The following FUS variants were observed in gnomAD, a reference collection of about 807,000 sequenced individuals.
FUS encodes the protein FUS RNA binding protein.
FUS carries 5 observed loss-of-function variants against 82.7 expected under a neutral mutation model. That is an observed-to-expected ratio of 0.06 (90% CI 0.03 to 0.13). FUS has a LOEUF of 0.13. FUS is among the 10% of genes least tolerant of loss of function. The probability of loss-of-function intolerance (pLI) is 1.00; values close to 1 mark genes in which losing one functional copy is unlikely to be tolerated. For missense variants in FUS, 512 were observed against 707.8 expected, an observed-to-expected ratio of 0.72 and a Z score of 3.14; for synonymous variants, 281 against 247.4, an observed-to-expected ratio of 1.14 and a Z score of -1.27.
At chr16:31,189,341 T>G (rs548425689) in intron 9 of FUS, 115 bp downstream of exon 9, 27 of 882,324 alleles carry the variant, frequency 3.1e-5, no homozygotes, top group African/African-American at 6.6e-5. Context: ...TCTTAGTGGT[T>G]GTTGCCAGCT....
chr16:31,194,322 A>T (rs554281103), downstream of FUS: 1,286 of 509,270 alleles, frequency 2.5e-3, 26 homozygotes, highest in South Asian at 0.02. Flanking sequence ...AGACGGTCTC[A>T]CTCTCACCCA....
chr16:31,181,223 C>G (rs1346232327), intron 1 of FUS, among the ~76,000 whole-genome samples: 1 of 152,162 alleles, frequency 6.6e-6, no homozygotes. Context: ...GTCTAAATTT[C>G]TTTTTTCTGA....
intron 7 of FUS, 175 bp from the exon 8 acceptor site, chr16:31,188,150 C>T (rs1425927383): frequency 3.0e-6 from 2 of 662,904 alleles, no homozygotes; most frequent in South Asian, 1.9e-5. Context: ...ATTTTCTCCT[C>T]TGGGCAGGCG....
At chr16:31,183,150 A>G (rs2079206929) in intron 3 of FUS, 1 of 200,780 alleles carries the variant, frequency 5.0e-6, no homozygotes, top group Admixed American at 5.3e-5. Context: ...AGTCCCAGCT[A>G]CTGAGGAGGC....
At chr16:31,188,950 A>G (rs1567476045) in intron 8 of FUS, 173 bp from the exon 9 acceptor site, 10 of 638,166 alleles carry the variant, frequency 1.6e-5, no homozygotes, top group Non-Finnish European at 2.5e-5. Flanking sequence ...TGAATCTGAA[A>G]TTTATCAGCA....
At chr16:31,180,356 C>A (rs918998354) in intron 1 of FUS, 129 bp downstream of exon 1, 9 of 1,227,746 alleles carry the variant, frequency 7.3e-6, no homozygotes, top group Middle Eastern at 2.1e-4. Context: ...GGCGGGAAGC[C>A]GCGGAGAAGA....
rs746989165 is a variant in FUS, at chr16:31,186,867, C to T, written c.799+31C>T. 3.1e-6 allele frequency: 5 copies of T among 1,596,756 alleles called. No individual in the cohort carries two copies. The Admixed American group carries it at 6.7e-5, about 21-fold the overall frequency. On this transcript the variant is annotated intron_variant, in intron 7 of 14. Transcript: ENST00000254108. ...TGAACAGAGTTTCCAAAATTCCCAA[C>T]TCCCAGCAATGCTTTGTCTGATTGT...
In FUS at chr16:31,185,076, A is replaced by G. The variant is rs1054384162; in HGVS notation, c.661A>G (p.Ser221Gly). ...CCGTGGAGGCCGCGGCAGGGGTGGC[A>G]GTGGTGGCGGCGGCGGCGGCGGCGG... is the stretch of plus-strand genomic sequence containing the variant. ...QDRGGRGRGG[S>G]GGGGGGGGGG... is the part of the protein sequence containing the mutation. Residue 221 changes from serine (S) to glycine (G), a missense_variant, in exon 6 of 15, where the codon AGT becomes GGT. Coordinates refer to ENST00000254108, the MANE Select transcript of FUS (RefSeq NM_004960.4). The G allele has an allele frequency of 2.5e-6, 4 of 1,609,554 alleles. No individual in the cohort carries two copies. Among genetic ancestry groups the G allele is most frequent in the African/African-American group, 1.3e-5 (1 of 74,696 alleles).
chr16:31,192,415 A>C (rs569807100), downstream of FUS: 6 of 522,900 alleles, frequency 1.1e-5, no homozygotes, highest in Non-Finnish European at 1.5e-5. Context: ...TTTTTATTTT[A>C]GTTACACAGA....
At position 31,180,199 on chromosome 16, in the gene FUS, G is replaced by A. The variant is rs1214088067; in HGVS notation, c.-16G>A. ...GGAACTTCGTTGCTTGCTTGCCTGT[G>A]CGCGCGTGCGCGGACATGGCCTCAA... On this transcript the variant is annotated 5_prime_UTR_variant, in exon 1 of 15. Coordinates refer to ENST00000254108, the MANE Select transcript of FUS (RefSeq NM_004960.4). 1 of 1,610,888 alleles carries A rather than the reference G, an allele frequency of 6.2e-7. No homozygotes were observed. Among genetic ancestry groups the A allele is most frequent in the Admixed American group, 1.7e-5 (1 of 59,548 alleles).
At chr16:31,182,284 C>T in intron 1 of FUS, 114 bp from the exon 2 acceptor site, 4 of 1,258,030 alleles carry the variant, frequency 3.2e-6, no homozygotes, top group Non-Finnish European at 4.7e-6. Context: ...ATCCACCGTG[C>T]CTGGCCTACG....
chr16:31,188,561 G>T (rs900312729), intron 8 of FUS: 7 of 638,660 alleles, frequency 1.1e-5, no homozygotes, highest in African/African-American at 1.1e-4. Flanking sequence ...TCCACCCCCA[G>T]TGATTTAGGT....
At chr16:31,191,793 T>A (rs776599739), downstream of FUS, 15 of 582,742 alleles carry the variant, frequency 2.6e-5, no homozygotes, top group Non-Finnish European at 4.2e-5. Context: ...GGTGTATAAA[T>A]GAGAAATGAA....
rs767027467 is a variant in FUS, at chr16:31,190,121, G to A, written c.1148G>A (p.Arg383His). Residue 383 changes from arginine (R) to histidine (H), a missense_variant, in exon 11 of 15, where the codon CGT becomes CAT. Physicochemically the swap from Arg to His is conservative, Grantham distance 29. Coordinates refer to ENST00000254108, the MANE Select transcript of FUS (RefSeq NM_004960.4). ...TTTAATCGGGGTGGTGGCAATGGTC[G>A]TGGAGGCCGAGGGCGAGGAGGTGAG... The part of the protein sequence containing the change: ...ADFNRGGGNG[R>H]GGRGRGGPMG... 2.4e-5 allele frequency: 39 copies of A among 1,614,088 alleles called. No individual in the cohort carries two copies. The highest frequency in any genetic ancestry group is 3.1e-5 in the Non-Finnish European group (37 of 1,180,048).
Position 31,188,247 on chromosome 16 carries a change from G to T in FUS, c.800-78G>T, listed in dbSNP as rs934751934. On this transcript the variant is annotated intron_variant, in intron 7 of 14. Coordinates refer to ENST00000254108, the MANE Select transcript of FUS (RefSeq NM_004960.4). ...TTGGTGTTAATTTTTTTCCTTGTCC[G>T]TTTTTTCCTGTTGACTAACGGCTCA... The T allele has an allele frequency of 4.0e-6, 6 of 1,500,994 alleles. No individual in the cohort carries two copies. In the East Asian group the frequency reaches 1.4e-4, roughly 34 times the overall value. The allele number at this position is 1,500,994 out of a possible 1,614,324, so 93.0% of individuals were successfully genotyped here.
chr16:31,185,121 A>G lies in FUS; in HGVS notation c.706A>G (p.Ser236Gly). 6.2e-7 allele frequency: 1 copy of G among 1,610,288 alleles called. No individual in the cohort carries two copies. Among genetic ancestry groups the G allele is most frequent in the Non-Finnish European group, 8.5e-7 (1 of 1,178,528 alleles). ...CGGCGGTGGTGGTTACAACCGCAGC[A>G]GTGGTGGCTATGAACCCAGAGGTCG... Reference protein sequence around the residue: ...GGGGGGYNRSSGGYEPRGRGG... With the variant: ...GGGGGGYNRSGGGYEPRGRGG... Residue 236 changes from serine to glycine, a missense_variant, in exon 6 of 15, where the codon AGT becomes GGT. Ser to Gly is a moderately conservative substitution (Grantham distance 56). Coordinates refer to ENST00000254108, the MANE Select transcript of FUS (RefSeq NM_004960.4).
At chr16:31,190,426 T>G in intron 12 of FUS, 28 bp downstream of exon 12, 1 of 1,614,030 alleles carries the variant, frequency 6.2e-7, no homozygotes, top group African/African-American at 1.3e-5. Flanking sequence ...TTTTTCTTAG[T>G]TCTCTTGCAT....
Position 31,184,972 on chromosome 16 carries a change from G to A in FUS, c.557G>A (p.Ser186Asn). 1 of 1,613,674 alleles carries A rather than the reference G, an allele frequency of 6.2e-7. No individual in the cohort carries two copies. The highest frequency in any genetic ancestry group is 1.1e-5 in the South Asian group (1 of 91,058). Reference protein sequence around the residue: ...NYGQDQSSMSSGGGSGGGYGN... With the variant: ...NYGQDQSSMSNGGGSGGGYGN... ...GGCCAAGATCAATCCTCCATGAGTA[G>A]TGGTGGTGGCAGTGGTGGCGGTTAT... is the stretch of plus-strand genomic sequence containing the variant. The change falls in exon 6 of 15, where the codon AGT becomes AAT. Residue 186 changes from serine (S) to asparagine (N), a missense_variant. By Grantham distance (46) the Ser-to-Asn change is conservative (BLOSUM62 1). Transcript: ENST00000254108.
Position 31,184,955 on chromosome 16 carries a change from T to G in FUS, c.540T>G (p.Asp180Glu). ...GGGGGGNYGQ[D>E]QSSMSSGGGS... ...TTCTCACAGGTAACTATGGCCAAGATCAATCCTCCATGAGTAGTGGTGGTG... is the reference window on the plus strand; with the variant it reads ...TTCTCACAGGTAACTATGGCCAAGAGCAATCCTCCATGAGTAGTGGTGGTG... The change falls in exon 6 of 15, where the codon GAT becomes GAG. Residue 180 changes from aspartate (D) to glutamate (E), a missense_variant. Physicochemically the swap from Asp to Glu is conservative, Grantham distance 45. This residue lies in a region of FUS where 276 missense variants were observed against 303.3 expected (regional missense o/e 0.91). Transcript: ENST00000254108. 9 of 1,613,882 alleles carry G rather than the reference T, an allele frequency of 5.6e-6. No individual in the cohort carries two copies. Among genetic ancestry groups the G allele is most frequent in the Non-Finnish European group, 7.6e-6 (9 of 1,179,910 alleles).
Sources: allele counts gnomAD v4.1 joint callset (sites outside exome capture counted in the v4.1 genomes callset), GRCh38; gene constraint gnomAD v4.1.1; regional missense constraint gnomAD v4.1.1; transcripts MANE v1.5; gene names NCBI Gene and HGNC (gene_info 2026-07-23, HGNC 2026-07-21).